Variants in TMEFF1 observed in about 807,000 individuals in gnomAD.
TMEFF1 encodes the protein tomoregulin-1.
In TMEFF1, 20 loss-of-function variants were observed where a neutral mutation model predicts 47.5. The observed-to-expected ratio is 0.42, with a 90% CI of 0.30 to 0.61. The LOEUF (loss-of-function observed/expected upper bound fraction) is 0.61, where lower values mean the gene tolerates loss of function less well. TMEFF1 is among the 20% of genes least tolerant of loss of function. The pLI is 0.19. For synonymous variants in TMEFF1, 162 were observed against 166.3 expected (o/e 0.97, Z 0.20); for missense variants, 411 against 471.1 (o/e 0.87, Z 1.18).
chr9:100,529,075 A>C (rs1447344798), intron 5 of TMEFF1, among the ~76,000 whole-genome samples: 1 of 150,304 alleles, frequency 6.7e-6, no homozygotes, highest in East Asian at 2.0e-4. Context: ...CTGCCCTAAA[A>C]GAGCTCCTGA....
chr9:100,563,384 C>T (rs113004595), intron 8 of TMEFF1, among the ~76,000 whole-genome samples: 9 of 152,138 alleles, frequency 5.9e-5, no homozygotes, highest in Non-Finnish European at 7.4e-5. Context: ...AAATGAAGGA[C>T]GAGAGAGAGG....
intron 3 of TMEFF1, among the ~76,000 whole-genome samples, chr9:100,509,791 AG>A (rs1564013754): frequency 2.0e-5 from 3 of 151,412 alleles, no homozygotes; most frequent in Admixed American, 2.0e-4. Context: ...AAAAAAAAAA[AG>A]GTGAGGAATT....
At chr9:100,560,133 A>C (rs892345090) in intron 7 of TMEFF1, among the ~76,000 whole-genome samples, 1 of 152,158 alleles carries the variant, frequency 6.6e-6, no homozygotes, top group Non-Finnish European at 1.5e-5. Context: ...TAACATTAAA[A>C]AATTTTATTA....
intron 5 of TMEFF1, among the ~76,000 whole-genome samples, chr9:100,527,083 C>T (rs1838273659): frequency 6.6e-6 from 1 of 150,694 alleles, no homozygotes; most frequent in Non-Finnish European, 1.5e-5. Flanking sequence ...GCGGAGGTTG[C>T]AGTGAGCCAA....
intron 5 of TMEFF1, among the ~76,000 whole-genome samples, chr9:100,533,153 G>T (rs1242507520): frequency 6.6e-6 from 1 of 151,532 alleles, no homozygotes; most frequent in Non-Finnish European, 1.5e-5. Flanking sequence ...ACGATTTAGT[G>T]GGTGCAGCGC....
intron 5 of TMEFF1, among the ~76,000 whole-genome samples, chr9:100,524,752 T>A (rs184497372): frequency 1.3e-4 from 20 of 152,320 alleles, no homozygotes; most frequent in Middle Eastern, 3.4e-3. Context: ...TCATTTATTT[T>A]TTTTTATTAT....
At chr9:100,556,927 C>T (rs1357843159) in intron 7 of TMEFF1, among the ~76,000 whole-genome samples, 4 of 151,800 alleles carry the variant, frequency 2.6e-5, no homozygotes, top group Non-Finnish European at 4.4e-5. Context: ...CTCACTGCAA[C>T]CTTCCACCTC....
At chr9:100,528,368 A>G (rs1161654653) in intron 5 of TMEFF1, among the ~76,000 whole-genome samples, 1 of 147,766 alleles carries the variant, frequency 6.8e-6, no homozygotes, top group Non-Finnish European at 1.5e-5. Context: ...ATGTATAACT[A>G]GAATAACCAA....
Position 100,513,314 on chromosome 9 carries a change from A to G in TMEFF1, c.444A>G (p.Gly148=). The change falls in exon 4 of 10, where the codon GGA becomes GGG. Residue 148 remains glycine, a synonymous_variant. Transcript: ENST00000374879. The part of the protein sequence containing the change: ...IARGPCYSDN[G]SGSGEGEEEG... ...CTTTGTTTTTCTTCTCAGATAATGG[A>G]TCTGGATCTGGAGAAGGAGGTAAGT... 2 of 1,596,940 alleles carry G rather than the reference A, an allele frequency of 1.3e-6. No homozygotes were observed. The highest frequency in any genetic ancestry group is 1.7e-6 in the Non-Finnish European group (2 of 1,173,796).
In TMEFF1 at chr9:100,572,510, C is replaced by A; in HGVS notation, c.900-8C>A. On this transcript the variant is annotated splice_region_variant and splice_polypyrimidine_tract_variant and intron_variant, in intron 8 of 9. Coordinates refer to ENST00000374879, the MANE Select transcript of TMEFF1 (RefSeq NM_003692.5). ...TTTCATAGGAATATATATATTTTTCCTTTTCAGATGTGAATCTGGCTACAC... is the reference window on the plus strand; with the variant it reads ...TTTCATAGGAATATATATATTTTTCATTTTCAGATGTGAATCTGGCTACAC... 6.4e-7 allele frequency: 1 copy of A among 1,556,766 alleles called. No individual in the cohort carries two copies. Among genetic ancestry groups the A allele is most frequent in the Non-Finnish European group, 8.7e-7 (1 of 1,155,116 alleles).
At chr9:100,510,912 A>G (rs1480839688) in intron 3 of TMEFF1, among the ~76,000 whole-genome samples, 2 of 152,132 alleles carry the variant, frequency 1.3e-5, no homozygotes, top group Non-Finnish European at 2.9e-5. Flanking sequence ...TTTCTAGTGT[A>G]ACCAGCCCCA....
chr9:100,546,136 A>T (rs1418727985), intron 5 of TMEFF1, among the ~76,000 whole-genome samples: 1 of 151,904 alleles, frequency 6.6e-6, no homozygotes, highest in South Asian at 2.1e-4. Flanking sequence ...ACCCCACTCT[A>T]CTGGTACCAG....
chr9:100,506,766 C>CAAAA (rs58345253), intron 2 of TMEFF1, among the ~76,000 whole-genome samples: 8 of 43,398 alleles, frequency 1.8e-4, no homozygotes, highest in East Asian at 5.9e-4. Flanking sequence ...GACTCCATCT[C>CAAAA]AAAAAAAAAA....
At chr9:100,532,294 G>A (rs1838399894) in intron 5 of TMEFF1, among the ~76,000 whole-genome samples, 1 of 152,156 alleles carries the variant, frequency 6.6e-6, no homozygotes, top group Non-Finnish European at 1.5e-5. Flanking sequence ...TACTATCAGA[G>A]TGAACAGGCA....
At chr9:100,543,787 G>C (rs1378083038) in intron 5 of TMEFF1, among the ~76,000 whole-genome samples, 6 of 151,236 alleles carry the variant, frequency 4.0e-5, no homozygotes, top group Non-Finnish European at 1.5e-5. Flanking sequence ...AATTTGTGTT[G>C]GGCTGCATTC....
intron 4 of TMEFF1, among the ~76,000 whole-genome samples, chr9:100,515,020 A>G (rs142994296): frequency 6.6e-6 from 1 of 152,032 alleles, no homozygotes; most frequent in South Asian, 2.1e-4. Flanking sequence ...AAAAAAATTT[A>G]AAAAAGCCAG....
chr9:100,560,915 TA>T (rs1839002587), intron 7 of TMEFF1, among the ~76,000 whole-genome samples: 1 of 152,200 alleles, frequency 6.6e-6, no homozygotes, highest in East Asian at 1.9e-4. Context: ...ATTCCAAAAA[TA>T]AACCTTTAAC....
chr9:100,477,568 G>A (rs1413717158), intron 1 of TMEFF1, among the ~76,000 whole-genome samples: 1 of 150,468 alleles, frequency 6.6e-6, no homozygotes, highest in Non-Finnish European at 1.5e-5. Flanking sequence ...GAATTTTTCA[G>A]CAGTTACATA....
intron 9 of TMEFF1, 127 bp downstream of exon 9, chr9:100,572,803 C>G: frequency 4.2e-6 from 5 of 1,192,230 alleles, no homozygotes; most frequent in Middle Eastern, 3.0e-4. Flanking sequence ...TTTCAGTGGT[C>G]TCTCCCTATC....
Sources: allele counts gnomAD v4.1 joint callset (sites outside exome capture counted in the v4.1 genomes callset), GRCh38; gene constraint gnomAD v4.1.1; transcripts MANE v1.5; gene names NCBI Gene and HGNC (gene_info 2026-07-23, HGNC 2026-07-21).